The following KCNMA1 variants were observed in gnomAD, a reference collection of about 807,000 sequenced individuals.
KCNMA1 encodes Calcium-activated potassium channel subunit alpha-1.
In KCNMA1, 29 loss-of-function variants were observed where a neutral mutation model predicts 140.0. That is an observed-to-expected ratio of 0.21 (90% CI 0.15 to 0.28). The LOEUF is 0.28. KCNMA1 is among the 10% of genes least tolerant of loss of function. The pLI, the probability that KCNMA1 is intolerant of heterozygous loss-of-function variation, is 1.00. For missense variants in KCNMA1, 880 were observed against 1,602.2 expected, an observed-to-expected ratio of 0.55 and a Z score of 7.70; for synonymous variants, 612 against 611.9, an observed-to-expected ratio of 1.00 and a Z score of 0.00.
At chr10:77,605,803 T>C (rs2084293086) in intron 1 of KCNMA1, among the ~76,000 whole-genome samples, 1 of 152,176 alleles carries the variant, frequency 6.6e-6, no homozygotes, top group Admixed American at 6.5e-5. Context: ...ACTTGGTAGG[T>C]GCTTCCTAAC....
intron 2 of KCNMA1, among the ~76,000 whole-genome samples, chr10:77,341,392 G>A (rs530206661): frequency 2.0e-5 from 3 of 152,156 alleles, no homozygotes; most frequent in Non-Finnish European, 2.9e-5. Context: ...TATCTCTGTA[G>A]CTCTTTCCTT....
chr10:77,268,662 T>C (rs952788276), intron 2 of KCNMA1, among the ~76,000 whole-genome samples: 3 of 152,100 alleles, frequency 2.0e-5, no homozygotes, highest in Non-Finnish European at 2.9e-5. Flanking sequence ...TAAACCAGCC[T>C]CTGATCCCAT....
intron 14 of KCNMA1, among the ~76,000 whole-genome samples, chr10:77,049,668 A>G (rs2095280313): frequency 6.6e-6 from 1 of 152,192 alleles, no homozygotes; most frequent in Non-Finnish European, 1.5e-5. Flanking sequence ...GCCTAAAGAA[A>G]CAAGAACAAT....
chr10:76,966,143 T>C (rs2073845969), intron 20 of KCNMA1, among the ~76,000 whole-genome samples: 1 of 152,214 alleles, frequency 6.6e-6, no homozygotes, highest in Non-Finnish European at 1.5e-5. Flanking sequence ...AGAACTTCCA[T>C]GACAACTTGC....
chr10:77,037,717 C>T (rs1405318819), intron 15 of KCNMA1, among the ~76,000 whole-genome samples: 1 of 152,306 alleles, frequency 6.6e-6, no homozygotes, highest in East Asian at 1.9e-4. Flanking sequence ...CTCCCGCAGG[C>T]GCTGGCAGCT....
intron 3 of KCNMA1, among the ~76,000 whole-genome samples, chr10:77,185,331 T>C (rs2098840053): frequency 6.6e-6 from 1 of 152,106 alleles, no homozygotes; most frequent in Admixed American, 6.6e-5. Flanking sequence ...CAGTTCCTCA[T>C]GCCCTCCAAC....
At chr10:77,472,425 A>C (rs1464812759) in intron 1 of KCNMA1, among the ~76,000 whole-genome samples, 3 of 150,684 alleles carry the variant, frequency 2.0e-5, no homozygotes, top group Non-Finnish European at 4.4e-5. Context: ...TAGCACACCT[A>C]GGCACACTAT....
intron 2 of KCNMA1, among the ~76,000 whole-genome samples, chr10:77,259,525 A>T (rs1046873797): frequency 6.6e-6 from 1 of 152,124 alleles, no homozygotes; most frequent in East Asian, 1.9e-4. Context: ...AGAGTCCACA[A>T]GGCCCTGAAA....
intron 1 of KCNMA1, among the ~76,000 whole-genome samples, chr10:77,459,960 C>A (rs2097831660): frequency 6.6e-6 from 1 of 152,194 alleles, no homozygotes; most frequent in Non-Finnish European, 1.5e-5. Context: ...AGAAGGATGG[C>A]AAACTTTTTC....
chr10:76,947,285 C>T (rs112225708), intron 22 of KCNMA1, among the ~76,000 whole-genome samples: 8,644 of 152,132 alleles, frequency 0.057, 450 homozygotes, highest in Admixed American at 0.18. Context: ...TGCAGTGAGC[C>T]GAGATCGTGC....
At chr10:77,016,871 G>A (rs1456963507) in intron 17 of KCNMA1, among the ~76,000 whole-genome samples, 1 of 151,962 alleles carries the variant, frequency 6.6e-6, no homozygotes, top group Non-Finnish European at 1.5e-5. Flanking sequence ...TTTTTGCAGT[G>A]GAGGGTGCAA....
chr10:77,212,362 C>T (rs193218056), intron 3 of KCNMA1, among the ~76,000 whole-genome samples: 156 of 152,306 alleles, frequency 1.0e-3, no homozygotes, highest in African/African-American at 3.6e-3. Context: ...AAACCAAACA[C>T]TGCGTGTTCT....
At chr10:76,931,693 C>T (rs1348432211) in intron 23 of KCNMA1, among the ~76,000 whole-genome samples, 1 of 152,128 alleles carries the variant, frequency 6.6e-6, no homozygotes, top group Non-Finnish European at 1.5e-5. Context: ...GTCCCAATCT[C>T]TGCTTCAGAG....
chr10:77,053,345 G>A (rs934838124), intron 14 of KCNMA1, among the ~76,000 whole-genome samples: 3 of 152,174 alleles, frequency 2.0e-5, no homozygotes, highest in Non-Finnish European at 4.4e-5. Context: ...AGAATAGTCA[G>A]CAAATCTTCA....
At chr10:77,306,819 G>A (rs1317549604) in intron 2 of KCNMA1, among the ~76,000 whole-genome samples, 1 of 152,170 alleles carries the variant, frequency 6.6e-6, no homozygotes, top group African/African-American at 2.4e-5. Flanking sequence ...GACCGATTAG[G>A]GCTGTCAGAC....
rs773855780 is a variant in KCNMA1 at position 76,952,003 on chromosome 10, TG to T, written c.2484+1797del. On this transcript the variant is annotated intron_variant, in intron 21 of 27. Transcript: ENST00000286628. The stretch of plus-strand genomic sequence containing the variant: ...CTCCTGGAGATGTTTTGTTAAATGA[TG>T]TTATTTTTCATAGGATAGAAGTAGT... 1.9e-6 allele frequency: 3 copies of T among 1,545,692 alleles called. No individual in the cohort carries two copies. In the South Asian group the frequency reaches 3.6e-5, roughly 18 times the overall value.
At chr10:77,542,523 G>A (rs2060419533) in intron 1 of KCNMA1, among the ~76,000 whole-genome samples, 2 of 152,216 alleles carry the variant, frequency 1.3e-5, no homozygotes, top group South Asian at 4.1e-4. Context: ...ATAAATTTCT[G>A]TGGCCCTCCC....
At chr10:76,906,110 G>A (rs1363529513) in intron 25 of KCNMA1, among the ~76,000 whole-genome samples, 1 of 152,164 alleles carries the variant, frequency 6.6e-6, no homozygotes, top group Non-Finnish European at 1.5e-5. Flanking sequence ...CAGCAGTTCT[G>A]GAATCCAGAT....
intron 15 of KCNMA1, 131 bp from the exon 16 acceptor site, chr10:77,028,022 G>GC (rs1213121206): frequency 1.2e-6 from 1 of 817,256 alleles, no homozygotes; most frequent in African/African-American, 1.7e-5. Context: ...CCGGCACTGT[G>GC]CCAAAGGGAG....
Sources: allele counts gnomAD v4.1 joint callset (sites outside exome capture counted in the v4.1 genomes callset), GRCh38; gene constraint gnomAD v4.1.1; transcripts MANE v1.5; gene names NCBI Gene and HGNC (gene_info 2026-07-23, HGNC 2026-07-21).